Variants in USP38 observed in about 807,000 individuals in gnomAD.
The protein encoded by USP38 is ubiquitin specific peptidase 38.
In USP38, 49 loss-of-function variants were observed where a neutral mutation model predicts 94.3. The ratio of observed to expected loss-of-function variants is 0.52; its 90% confidence interval spans 0.41 to 0.66. The LOEUF is 0.66. USP38 is among the 30% of genes least tolerant of loss of function. The pLI, the probability that USP38 is intolerant of heterozygous loss-of-function variation, is 0.00. For synonymous variants in USP38, 468 were observed against 463.6 expected, an observed-to-expected ratio of 1.01 and a Z score of -0.12; for missense variants, 1,128 against 1,229.4, an observed-to-expected ratio of 0.92 and a Z score of 1.23.
chr4:143,202,995 A>C (rs1561242536), intron 4 of USP38, among the ~76,000 whole-genome samples: 1 of 152,106 alleles, frequency 6.6e-6, no homozygotes, highest in African/African-American at 2.4e-5. Flanking sequence ...CAAGTAAAAA[A>C]TTTTAGATTC....
chr4:143,194,779 A>G (rs991243503), intron 2 of USP38, among the ~76,000 whole-genome samples: 2 of 152,156 alleles, frequency 1.3e-5, no homozygotes, highest in African/African-American at 4.8e-5. Context: ...GAGTGCTGAG[A>G]TTACAGGCGT....
In USP38 at chr4:143,214,021, CTAA is replaced by C. The variant is rs1211701500; in HGVS notation, c.2047_2049del (p.Asn683del). On this transcript the variant is annotated inframe_deletion, in exon 9 of 10. Transcript: ENST00000307017. The stretch of plus-strand genomic sequence containing the variant: ...AATGAAAAAACCATAGGCAGTCCTC[CTAA>C]TGAGTTTTACTGTTCTGAAAACACT... The C allele has an allele frequency of 6.2e-7, 1 of 1,613,606 alleles. No individual in the cohort carries two copies. Among genetic ancestry groups the C allele is most frequent in the Non-Finnish European group, 8.5e-7 (1 of 1,179,820 alleles).
chr4:143,200,227 C>T (rs1187870111), intron 4 of USP38, among the ~76,000 whole-genome samples: 1 of 152,048 alleles, frequency 6.6e-6, no homozygotes, highest in Non-Finnish European at 1.5e-5. Flanking sequence ...CTGTGGGATG[C>T]AAGGTTAGTT....
rs184122856 is a variant in USP38 at position 143,218,711 on chromosome 4, A to G, written c.2968-1584A>G. Among the ~76,000 whole-genome samples, 21 of 152,282 alleles carry G rather than the reference A, an allele frequency of 1.4e-4. No homozygotes were observed. The East Asian group carries it at 3.7e-3, about 27-fold the overall frequency. ...TAAAAACGTCTATGCAAGATTTGCC[A>G]TATCTTTTAGTAGCAGAAGTTCAAG... On this transcript the variant is annotated intron_variant, in intron 9 of 9. Transcript: ENST00000307017.
rs112307076 is a variant in USP38 at position 143,186,328 on chromosome 4, G to A, written c.682+196G>A. On this transcript the variant is annotated intron_variant, in intron 1 of 9. Transcript: ENST00000307017. ...ACATCGTACTTTAAAAACAGGCAGC[G>A]TTCCCATTTTAAAGGTTGAGAACGT... is the stretch of plus-strand genomic sequence containing the variant. 4.6e-5 allele frequency among the ~76,000 whole-genome samples: 7 copies of A among 152,222 alleles called. 1 individual carries two copies. Among genetic ancestry groups the A allele is most frequent in the African/African-American group, 1.7e-4 (7 of 41,542 alleles).
chr4:143,204,643 A>G, intron 5 of USP38: 2 of 311,312 alleles, frequency 6.4e-6, no homozygotes, highest in Non-Finnish European at 6.3e-6. Flanking sequence ...CATCCTCCCA[A>G]AGTGCTGGGA....
chr4:143,218,536 TATAA>T (rs1732243087), intron 9 of USP38, among the ~76,000 whole-genome samples: 1 of 152,128 alleles, frequency 6.6e-6, no homozygotes, highest in Non-Finnish European at 1.5e-5. Context: ...CATATATTTC[TATAA>T]ATAATAAAGC....
intron 3 of USP38, 77 bp from the exon 4 acceptor site, chr4:143,197,746 G>A: frequency 1.0e-6 from 1 of 973,606 alleles, no homozygotes; most frequent in Non-Finnish European, 1.6e-6. Flanking sequence ...ATAAATTCTA[G>A]CTCTAGGAAA....
intron 7 of USP38, among the ~76,000 whole-genome samples, chr4:143,211,711 G>A (rs1732029412): frequency 6.6e-6 from 1 of 152,032 alleles, no homozygotes; most frequent in African/African-American, 2.4e-5. Context: ...GCAAAATCTA[G>A]GATTTGAACC....
rs1430402293 is a variant in USP38, at chr4:143,223,404, A to G, written c.*2948A>G. On this transcript the variant is annotated 3_prime_UTR_variant, in exon 10 of 10. Coordinates refer to ENST00000307017, the MANE Select transcript of USP38 (RefSeq NM_032557.6). ...TTGGGGGGTCCATGCGAAAGGTTCA[A>G]ACAGCCTATTACATTAATGCACATG... is the stretch of plus-strand genomic sequence containing the variant. 3 of 152,148 alleles carry G rather than the reference A, an allele frequency of 2.0e-5. No individual in the cohort carries two copies. The highest frequency in any genetic ancestry group is 4.8e-5 in the African/African-American group (2 of 41,446). The allele number at this position is 152,148 out of a possible 1,614,324, so 9.4% of individuals were successfully genotyped here.
At chr4:143,217,867 G>T (rs796523525) in intron 9 of USP38, among the ~76,000 whole-genome samples, 4 of 152,090 alleles carry the variant, frequency 2.6e-5, no homozygotes. Flanking sequence ...TGTGGATCTC[G>T]AAGTAAATTT....
At chr4:143,213,495 A>G in intron 8 of USP38, 86 bp from the exon 9 acceptor site, 1 of 1,300,330 alleles carries the variant, frequency 7.7e-7, no homozygotes, top group Non-Finnish European at 1.0e-6. Context: ...TGATTAGAAT[A>G]GTTTATAGAA....
In USP38 at chr4:143,213,685, C is replaced by T. The variant is rs765931884; in HGVS notation, c.1709C>T (p.Ala570Val). ...TTACAGGAAGTAGCTAGTAAAGCAGCAGTACTAACAGAGACCCCTCGTACA... is the reference window on the plus strand; with the variant it reads ...TTACAGGAAGTAGCTAGTAAAGCAGTAGTACTAACAGAGACCCCTCGTACA... ...TSLQEVASKAAVLTETPRTSD... is the reference protein window; with the variant it reads ...TSLQEVASKAVVLTETPRTSD... Residue 570 changes from alanine to valine, a missense_variant, in exon 9 of 10, where the codon GCA becomes GTA. Coordinates refer to ENST00000307017, the MANE Select transcript of USP38 (RefSeq NM_032557.6). The T allele has an allele frequency of 6.8e-6, 11 of 1,613,590 alleles. 1 individual carries two copies. In the South Asian group the frequency reaches 7.7e-5, roughly 11 times the overall value.
At chr4:143,187,237 A>G (rs1731255947) in intron 1 of USP38, among the ~76,000 whole-genome samples, 1 of 152,190 alleles carries the variant, frequency 6.6e-6, no homozygotes, top group African/African-American at 2.4e-5. Flanking sequence ...CACAAAAGTC[A>G]CCTTAATTTC....
At chr4:143,216,182 T>G (rs193015736) in intron 9 of USP38, among the ~76,000 whole-genome samples, 10 of 152,328 alleles carry the variant, frequency 6.6e-5, no homozygotes, top group Admixed American at 6.5e-4. Flanking sequence ...ACCCCATTAC[T>G]TTCTGATTAT....
At chr4:143,208,198 T>C (rs1446834029) in intron 6 of USP38, among the ~76,000 whole-genome samples, 2 of 152,120 alleles carry the variant, frequency 1.3e-5, no homozygotes, top group African/African-American at 4.8e-5. Flanking sequence ...CCAGTAAATG[T>C]GTATGCCATC....
chr4:143,199,493 G>T (rs2149607282), intron 4 of USP38, among the ~76,000 whole-genome samples: 1 of 152,194 alleles, frequency 6.6e-6, no homozygotes, highest in East Asian at 1.9e-4. Context: ...TCCTCTTGGT[G>T]TATACCCCAT....
In USP38 at chr4:143,195,987, G is replaced by C. The variant is rs1731536912; in HGVS notation, c.948+142G>C. 3.6e-6 allele frequency: 3 copies of C among 824,522 alleles called. No individual in the cohort carries two copies. In the African/African-American group the frequency reaches 5.3e-5, roughly 15 times the overall value. 51.1% of individuals were successfully genotyped at this position (824,522 alleles called of 1,614,324 possible). ...TGAATAACAGTTTGAATAGGCTTTA[G>C]AAATTTTTTTAAATGTCATTTAAAT... On this transcript the variant is annotated intron_variant, in intron 3 of 9. Transcript: ENST00000307017.
Position 143,222,228 on chromosome 4 carries a change from A to T in USP38, c.*1772A>T, listed in dbSNP as rs192068005. On this transcript the variant is annotated 3_prime_UTR_variant, in exon 10 of 10. Transcript: ENST00000307017. ...TCTATGAATATCAGGTCTCTCAAGGATTTTATGTATCAAGATAATATGTAT... is the reference window on the plus strand; with the variant it reads ...TCTATGAATATCAGGTCTCTCAAGGTTTTTATGTATCAAGATAATATGTAT... 1 of 152,192 alleles carries T rather than the reference A, an allele frequency of 6.6e-6. No homozygotes were observed. The highest frequency in any genetic ancestry group is 6.6e-5 in the Admixed American group (1 of 15,258). 9.4% of individuals were successfully genotyped at this position (152,192 alleles called of 1,614,324 possible).
Sources: allele counts gnomAD v4.1 joint callset (sites outside exome capture counted in the v4.1 genomes callset), GRCh38; gene constraint gnomAD v4.1.1; transcripts MANE v1.5; gene names NCBI Gene and HGNC (gene_info 2026-07-23, HGNC 2026-07-21).